Variants in ZNF729 observed in about 807,000 individuals in gnomAD.
The protein encoded by ZNF729 is zinc finger protein 729.
In ZNF729, 15 loss-of-function variants were observed where a neutral mutation model predicts 12.2. The observed-to-expected ratio is 1.23, with a 90% CI of 0.82 to 1.89. ZNF729 has a LOEUF of 1.89. ZNF729 is among the 40% of genes most tolerant of loss of function. The probability of loss-of-function intolerance (pLI) is 0.00; values close to 1 mark genes in which losing one functional copy is unlikely to be tolerated. For missense variants in ZNF729, 1,540 were observed against 1,456.7 expected, an observed-to-expected ratio of 1.06 and a Z score of -0.93; for synonymous variants, 492 against 476.3, an observed-to-expected ratio of 1.03 and a Z score of -0.43.
At chr19:22,304,938 A>G (rs545018347) in intron 3 of ZNF729, among the ~76,000 whole-genome samples, 155 bp downstream of exon 3, 1 of 152,292 alleles carries the variant, frequency 6.6e-6, no homozygotes, top group Admixed American at 6.5e-5. Context: ...ACGTAGAGGC[A>G]TCTTCTGTCT....
chr19:22,301,907 G>T (rs1042690529), intron 1 of ZNF729, among the ~76,000 whole-genome samples: 6 of 152,310 alleles, frequency 3.9e-5, no homozygotes, highest in African/African-American at 1.4e-4. Context: ...GCTTAACCAG[G>T]GCGGTTCCAT....
At chr19:22,303,916 TA>T in intron 2 of ZNF729, 32 bp downstream of exon 2, 1 of 1,537,136 alleles carries the variant, frequency 6.5e-7, no homozygotes, top group Non-Finnish European at 8.8e-7. Context: ...CAATTCCTAT[TA>T]TATTCTATAG....
At chr19:22,288,288 G>A (rs566334340) in intron 1 of ZNF729, among the ~76,000 whole-genome samples, 3 of 149,304 alleles carry the variant, frequency 2.0e-5, no homozygotes, top group Non-Finnish European at 3.0e-5. Flanking sequence ...CCCTGACACT[G>A]CGTTGTAAAA....
chr19:22,286,931 CTCTTT>C (rs1158666316), intron 1 of ZNF729, among the ~76,000 whole-genome samples: 25 of 152,280 alleles, frequency 1.6e-4, no homozygotes, highest in African/African-American at 5.3e-4. Flanking sequence ...TTTCCAGTCC[CTCTTT>C]TCTTCTGTTA....
At chr19:22,286,643 C>T (rs115202537) in intron 1 of ZNF729, 88 bp downstream of exon 1, 1 of 1,523,142 alleles carries the variant, frequency 6.6e-7, no homozygotes, top group South Asian at 1.1e-5. Flanking sequence ...CCGGCCTCCC[C>T]GCAGTCAGCT....
intron 1 of ZNF729, among the ~76,000 whole-genome samples, chr19:22,293,583 C>T (rs1968185615): frequency 7.1e-6 from 1 of 140,348 alleles, no homozygotes; most frequent in Non-Finnish European, 1.5e-5. Flanking sequence ...ACCTCCGCCT[C>T]CTGGGTTCAA....
chr19:22,288,930 C>G (rs774045176), intron 1 of ZNF729, among the ~76,000 whole-genome samples: 1 of 152,024 alleles, frequency 6.6e-6, no homozygotes, highest in Non-Finnish European at 1.5e-5. Context: ...TAAAATACAT[C>G]TGGGGCACTC....
chr19:22,315,567 G>C lies in ZNF729; in HGVS notation c.2150G>C (p.Cys717Ser). The change falls in exon 4 of 4, where the codon TGT (cysteine) becomes TCT (serine). Residue 717 changes from cysteine (C) to serine (S), a missense_variant. Transcript: ENST00000601693. ...GAGAAACCCTACAAATGTGAAGAATGTGGTAAAGCTTTTAAGTGGTCATCA... is the reference window on the plus strand; with the variant it reads ...GAGAAACCCTACAAATGTGAAGAATCTGGTAAAGCTTTTAAGTGGTCATCA... ...TGEKPYKCEE[C>S]GKAFKWSSKL... The C allele has an allele frequency of 6.2e-7, 1 of 1,610,086 alleles. No individual in the cohort carries two copies. Among genetic ancestry groups the C allele is most frequent in the East Asian group, 2.2e-5 (1 of 44,804 alleles).
Position 22,314,627 on chromosome 19 carries a change from T to A in ZNF729, c.1210T>A (p.Tyr404Asn). 6.2e-7 allele frequency: 1 copy of A among 1,612,466 alleles called. No homozygotes were observed. The highest frequency in any genetic ancestry group is 8.5e-7 in the Non-Finnish European group (1 of 1,179,922). Reference sequence around the variant, plus strand: ...GGTAGTTCATACTGGAGAGAAACCCTACAAATGTGAAGAATGTGGCAAAGC... The same window carrying A: ...GGTAGTTCATACTGGAGAGAAACCCAACAAATGTGAAGAATGTGGCAAAGC... ...HKVVHTGEKP[Y>N]KCEECGKAFS... Residue 404 changes from tyrosine to asparagine, a missense_variant, in exon 4 of 4, where the codon TAC becomes AAC. Physicochemically the swap from Tyr to Asn is moderately radical, Grantham distance 143. Transcript: ENST00000601693.
At chr19:22,307,800 G>GTTTTTTTTTT in intron 3 of ZNF729, among the ~76,000 whole-genome samples, 4 of 53,334 alleles carry the variant, frequency 7.5e-5, no homozygotes, top group South Asian at 8.8e-4. Flanking sequence ...AAAGCTCTGT[G>GTTTTTTTTTT]TTTTTTTTTT....
chr19:22,303,809 C>T lies in ZNF729; in HGVS notation c.82C>T (p.Gln28Ter). ...CATAGAATTCTCTCTGGAGGAGTGG[C>T]AATGCCTGGACACGGTTCAGCAGAA... is the stretch of plus-strand genomic sequence containing the variant. The part of the protein sequence containing the change: ...VTIEFSLEEW[Q>*]CLDTVQQNLY... Residue 28 changes from glutamine (Q) to a stop codon, truncating the protein, a stop_gained, in exon 2 of 4, where the codon CAA (glutamine) becomes TAA (stop). Transcript: ENST00000601693. LOFTEE classifies it high-confidence loss of function. The T allele has an allele frequency of 6.3e-7, 1 of 1,576,326 alleles. No individual in the cohort carries two copies. The highest frequency in any genetic ancestry group is 8.6e-7 in the Non-Finnish European group (1 of 1,156,452).
At chr19:22,311,962 T>C (rs1158240711) in intron 3 of ZNF729, among the ~76,000 whole-genome samples, 1 of 152,184 alleles carries the variant, frequency 6.6e-6, no homozygotes, top group Non-Finnish European at 1.5e-5. Flanking sequence ...TTGTTTTTTT[T>C]AATTGCTGTT....
intron 3 of ZNF729, among the ~76,000 whole-genome samples, chr19:22,311,215 TA>T (rs1200455898): frequency 2.0e-5 from 3 of 152,156 alleles, no homozygotes; most frequent in African/African-American, 7.2e-5. Flanking sequence ...TGATTTTGAT[TA>T]TTTTTTTTCT....
chr19:22,289,357 C>A (rs1968123441), intron 1 of ZNF729, among the ~76,000 whole-genome samples: 1 of 151,696 alleles, frequency 6.6e-6, no homozygotes, highest in South Asian at 2.1e-4. Context: ...TCCTGACTAG[C>A]TGGGACTACA....
chr19:22,306,206 C>T (rs1481899999), intron 3 of ZNF729, among the ~76,000 whole-genome samples: 2 of 151,762 alleles, frequency 1.3e-5, no homozygotes, highest in Admixed American at 1.3e-4. Context: ...TTTGGGAGAC[C>T]AAAGCGGGCA....
At chr19:22,299,381 C>T (rs1968274547) in intron 1 of ZNF729, among the ~76,000 whole-genome samples, 1 of 152,086 alleles carries the variant, frequency 6.6e-6, no homozygotes, top group Non-Finnish European at 1.5e-5. Context: ...AGGCTTGTGC[C>T]ACCAAGCCTG....
Position 22,315,012 on chromosome 19 carries a change from G to C in ZNF729, c.1595G>C (p.Arg532Thr), listed in dbSNP as rs1286734922. 8.1e-6 allele frequency: 13 copies of C among 1,610,390 alleles called. No homozygotes were observed. The highest frequency in any genetic ancestry group is 1.1e-5 in the Non-Finnish European group (13 of 1,179,480). The change falls in exon 4 of 4, where the codon AGA becomes ACA. Residue 532 changes from arginine to threonine, a missense_variant. Arg to Thr is a moderately conservative substitution (Grantham distance 71). Coordinates refer to ENST00000601693, the MANE Select transcript of ZNF729 (RefSeq NM_001242680.2). ...GCTTTTAGCCAGTCCTCAACCCTTA[G>C]AAACCATCAGATAATTCATACTGGA... Reference protein sequence around the residue: ...GKAFSQSSTLRNHQIIHTGEK... With the variant: ...GKAFSQSSTLTNHQIIHTGEK...
Position 22,314,060 on chromosome 19 carries a change from A to G in ZNF729, c.643A>G (p.Lys215Glu). ...TATCTACAAATGTGAAGAACGTGGC[A>G]AAGCCTTTAAATCGTTCTCAACCCT... is the stretch of plus-strand genomic sequence containing the variant. The part of the protein sequence containing the change: ...QNIYKCEERG[K>E]AFKSFSTLTK... The change falls in exon 4 of 4, where the codon AAA (lysine) becomes GAA (glutamate). Residue 215 changes from lysine to glutamate, a missense_variant. Physicochemically the swap from Lys to Glu is moderately conservative, Grantham distance 56. Transcript: ENST00000601693. 3.2e-6 allele frequency: 5 copies of G among 1,543,272 alleles called. No individual in the cohort carries two copies. Among genetic ancestry groups the G allele is most frequent in the Non-Finnish European group, 4.4e-6 (5 of 1,146,048 alleles).
At chr19:22,286,606 C>T (rs1319296925) in intron 1 of ZNF729, 51 bp downstream of exon 1, 18 of 1,611,902 alleles carry the variant, frequency 1.1e-5, no homozygotes, top group Admixed American at 1.7e-5. Flanking sequence ...CTGATTGGAA[C>T]CGGTGGGAAG....
Sources: allele counts gnomAD v4.1 joint callset (sites outside exome capture counted in the v4.1 genomes callset), GRCh38; gene constraint gnomAD v4.1.1; transcripts MANE v1.5; gene names NCBI Gene and HGNC (gene_info 2026-07-23, HGNC 2026-07-21).